FANCL: variants seen among roughly 807,000 people sequenced by gnomAD.
FANCL encodes the protein E3 ubiquitin-protein ligase FANCL.
FANCL carries 69 observed loss-of-function variants against 59.4 expected under a neutral mutation model. The ratio of observed to expected loss-of-function variants is 1.16; its 90% CI spans 0.96 to 1.42. The LOEUF is 1.42. Ranked by LOEUF, FANCL falls within the 40% of genes most tolerant of loss-of-function variation. FANCL has a pLI of 0.00. For missense variants in FANCL, 519 were observed against 447.2 expected, an observed-to-expected ratio of 1.16 and a Z score of -1.45; for synonymous variants, 180 against 147.1, an observed-to-expected ratio of 1.22 and a Z score of -1.62.
chr2:58,180,747 C>CA (rs771864882), intron 7 of FANCL, among the ~76,000 whole-genome samples: 1 of 151,860 alleles, frequency 6.6e-6, no homozygotes, highest in Non-Finnish European at 1.5e-5. Flanking sequence ...GCCACCTTCT[C>CA]ATTTTTTAAC....
At chr2:58,202,828 C>T (rs1351332784) in intron 6 of FANCL, among the ~76,000 whole-genome samples, 1 of 151,824 alleles carries the variant, frequency 6.6e-6, no homozygotes, top group Non-Finnish European at 1.5e-5. Context: ...AAATTTACAG[C>T]AACATCTTCT....
At chr2:58,177,358 A>T (rs1435861322) in intron 7 of FANCL, among the ~76,000 whole-genome samples, 1 of 152,172 alleles carries the variant, frequency 6.6e-6, no homozygotes, top group Non-Finnish European at 1.5e-5. Flanking sequence ...ACTATTCACA[A>T]CAGCAAAGAC....
intron 5 of FANCL, among the ~76,000 whole-genome samples, chr2:58,212,329 G>A (rs1691255228): frequency 6.6e-6 from 1 of 152,118 alleles, no homozygotes; most frequent in Non-Finnish European, 1.5e-5. Flanking sequence ...GGGGGAAACT[G>A]CCCCCGTGAT....
chr2:58,206,324 GATT>G (rs199707945), intron 5 of FANCL, among the ~76,000 whole-genome samples: 1 of 151,620 alleles, frequency 6.6e-6, no homozygotes, highest in South Asian at 2.1e-4. Context: ...CATGTAGGCA[GATT>G]ATTTAGAAAC....
At chr2:58,237,978 T>G (rs964679502) in intron 1 of FANCL, among the ~76,000 whole-genome samples, 1 of 152,190 alleles carries the variant, frequency 6.6e-6, no homozygotes, top group Non-Finnish European at 1.5e-5. Context: ...ATCCATGTGG[T>G]GAGGAACTAA....
At chr2:58,179,855 T>C (rs1558761437) in intron 7 of FANCL, among the ~76,000 whole-genome samples, 1 of 152,048 alleles carries the variant, frequency 6.6e-6, no homozygotes, top group Non-Finnish European at 1.5e-5. Flanking sequence ...ATATCCAGAA[T>C]CTACAAGGAA....
chr2:58,178,333 C>A (rs1191215374), intron 7 of FANCL, among the ~76,000 whole-genome samples: 1 of 152,002 alleles, frequency 6.6e-6, no homozygotes, highest in East Asian at 1.9e-4. Flanking sequence ...AAATCCTCAA[C>A]AAAATACTGG....
intron 7 of FANCL, among the ~76,000 whole-genome samples, chr2:58,178,960 T>G (rs994052662): frequency 2.6e-5 from 4 of 151,924 alleles, no homozygotes; most frequent in Non-Finnish European, 5.9e-5. Flanking sequence ...AGAGACAAAT[T>G]ATGAGTGAAC....
intron 7 of FANCL, among the ~76,000 whole-genome samples, chr2:58,173,972 G>A (rs1370635772): frequency 2.0e-5 from 3 of 151,950 alleles, no homozygotes; most frequent in African/African-American, 4.8e-5. Context: ...ACAAAAAAAG[G>A]CAGGGGTTGC....
intron 7 of FANCL, among the ~76,000 whole-genome samples, chr2:58,177,295 G>A (rs1160384686): frequency 6.6e-6 from 1 of 152,086 alleles, no homozygotes; most frequent in Non-Finnish European, 1.5e-5. Context: ...ATACCCAAAG[G>A]ACTATAAATC....
chr2:58,215,753 A>C (rs985727948), intron 5 of FANCL, among the ~76,000 whole-genome samples: 5 of 151,572 alleles, frequency 3.3e-5, no homozygotes, highest in Admixed American at 3.3e-4. Flanking sequence ...GGATAGAGAG[A>C]GAAAAATAAC....
At chr2:58,240,177 A>C (rs548974790) in intron 1 of FANCL, among the ~76,000 whole-genome samples, 6 of 152,110 alleles carry the variant, frequency 3.9e-5, no homozygotes, top group Non-Finnish European at 7.4e-5. Flanking sequence ...CAAGAGAATC[A>C]TATTTTCAGC....
intron 7 of FANCL, among the ~76,000 whole-genome samples, chr2:58,178,284 A>C (rs988584982): frequency 1.3e-5 from 2 of 152,104 alleles, no homozygotes; most frequent in African/African-American, 4.8e-5. Context: ...ACAACAGAAA[A>C]AGAAAATTTC....
chr2:58,182,840 A>G (rs1688059053), intron 7 of FANCL, among the ~76,000 whole-genome samples: 1 of 151,890 alleles, frequency 6.6e-6, no homozygotes, highest in Admixed American at 6.6e-5. Flanking sequence ...TAGAAGATGC[A>G]ATAGAGTATG....
intron 5 of FANCL, among the ~76,000 whole-genome samples, chr2:58,207,969 G>A (rs1690758434): frequency 6.6e-6 from 1 of 152,170 alleles, no homozygotes; most frequent in African/African-American, 2.4e-5. Flanking sequence ...TGAGGCAGAA[G>A]GTTTGCTTGA....
intron 11 of FANCL, 54 bp from the exon 12 acceptor site, chr2:58,161,692 T>C: frequency 8.6e-7 from 1 of 1,167,246 alleles, no homozygotes; most frequent in South Asian, 1.2e-5. Context: ...ACTTATTCGT[T>C]GTACATATTT....
chr2:58,198,683 T>C (rs762463456), intron 6 of FANCL, 21 bp from the exon 7 acceptor site: 17 of 1,591,918 alleles, frequency 1.1e-5, no homozygotes, highest in Middle Eastern at 1.7e-4. Context: ...AGCATAACAT[T>C]AGACCATTTT....
intron 5 of FANCL, among the ~76,000 whole-genome samples, chr2:58,211,902 C>T (rs1246093717): frequency 6.6e-6 from 1 of 152,180 alleles, no homozygotes; most frequent in Non-Finnish European, 1.5e-5. Context: ...TTGGGCAAAG[C>T]CAAGCAACTA....
intron 7 of FANCL, among the ~76,000 whole-genome samples, chr2:58,197,197 G>T (rs1573667705): frequency 6.7e-6 from 1 of 149,656 alleles, no homozygotes; most frequent in African/African-American, 2.4e-5. Flanking sequence ...AATAATTTTT[G>T]GATAAATACA....
Sources: gnomAD v4.1 joint callset for allele counts (sites outside exome capture counted in the v4.1 genomes callset) on GRCh38, gnomAD v4.1.1 for gene constraint, MANE v1.5 for transcripts, NCBI Gene and HGNC (gene_info 2026-07-23, HGNC 2026-07-21) for gene names.